JAK2: variants seen among roughly 807,000 people sequenced by gnomAD.
The protein encoded by JAK2 is Janus kinase 2.
JAK2 carries 86 observed loss-of-function variants against 139.3 expected under a neutral mutation model. That is an observed-to-expected ratio of 0.62 (90% CI 0.52 to 0.74). The LOEUF (loss-of-function observed/expected upper bound fraction) is 0.74. Among genes scored for constraint, JAK2 ranks in the 30% least tolerant of loss-of-function variants. The pLI, the probability that JAK2 is intolerant of heterozygous loss-of-function variation, is 0.00. For missense variants in JAK2, 1,421 were observed against 1,360.3 expected, an observed-to-expected ratio of 1.04 and a Z score of -0.70; for synonymous variants, 490 against 437.7, an observed-to-expected ratio of 1.12 and a Z score of -1.49.
At chr9:5,052,390 T>C (rs1423571868) in intron 6 of JAK2, among the ~76,000 whole-genome samples, 4 of 151,950 alleles carry the variant, frequency 2.6e-5, no homozygotes, top group African/African-American at 4.8e-5. Context: ...TAAACACAGA[T>C]GCAAAATGCT....
intron 22 of JAK2, among the ~76,000 whole-genome samples, chr9:5,105,969 A>G (rs1821920903): frequency 6.6e-6 from 1 of 152,244 alleles, no homozygotes; most frequent in Admixed American, 6.5e-5. Flanking sequence ...CCTAGAAGAA[A>G]GCCTAGGCAA....
At chr9:5,111,257 C>A in intron 22 of JAK2, 1 of 510,440 alleles carries the variant, frequency 2.0e-6, no homozygotes, top group East Asian at 4.7e-5. Context: ...GAGACGCAGG[C>A]GTGCGCAGCC....
chr9:5,006,292 G>T (rs971753305), intron 2 of JAK2, among the ~76,000 whole-genome samples: 4 of 152,122 alleles, frequency 2.6e-5, no homozygotes, highest in Admixed American at 6.5e-5. Context: ...TTGGCTCTCT[G>T]TGTGTTATTG....
At chr9:5,025,605 C>T (rs1822733562) in intron 3 of JAK2, among the ~76,000 whole-genome samples, 1 of 149,932 alleles carries the variant, frequency 6.7e-6, no homozygotes, top group African/African-American at 2.5e-5. Flanking sequence ...ATGATTATGG[C>T]ACACTGCCAC....
intron 2 of JAK2, among the ~76,000 whole-genome samples, chr9:5,015,858 T>C (rs1285752347): frequency 2.6e-5 from 4 of 152,144 alleles, no homozygotes; most frequent in Non-Finnish European, 5.9e-5. Context: ...TACCATCCTT[T>C]CTGTTCTAAA....
At chr9:5,126,156 A>C (rs1032043490) in intron 23 of JAK2, 177 bp from the exon 24 acceptor site, 1 of 497,538 alleles carries the variant, frequency 2.0e-6, no homozygotes, top group African/African-American at 2.0e-5. Context: ...AAATTATAGA[A>C]GTTCCATATT....
intron 23 of JAK2, among the ~76,000 whole-genome samples, chr9:5,123,887 T>C (rs533252114): frequency 6.6e-6 from 1 of 151,002 alleles, no homozygotes; most frequent in African/African-American, 2.4e-5. Flanking sequence ...TAATTTTTTC[T>C]CTTTTTTTTT....
chr9:5,032,634 A>C (rs1434975099), intron 4 of JAK2, among the ~76,000 whole-genome samples: 3 of 152,356 alleles, frequency 2.0e-5, no homozygotes, highest in East Asian at 3.9e-4. Flanking sequence ...CCAGGCAAAC[A>C]GGGTCTGGAG....
At chr9:5,006,681 T>C (rs1325109054) in intron 2 of JAK2, among the ~76,000 whole-genome samples, 1 of 152,048 alleles carries the variant, frequency 6.6e-6, no homozygotes, top group Non-Finnish European at 1.5e-5. Flanking sequence ...AATAACCAGA[T>C]CTCATGCAAA....
chr9:5,121,804 G>A (rs1823634768), intron 22 of JAK2, among the ~76,000 whole-genome samples: 2 of 152,058 alleles, frequency 1.3e-5, no homozygotes, highest in African/African-American at 4.8e-5. Context: ...CCTTACATAA[G>A]TGATAGAACA....
chr9:5,054,784 C>T lies in JAK2; in HGVS notation c.836C>T (p.Pro279Leu), dbSNP rs765196728. Residue 279 changes from proline (P) to leucine (L), a missense_variant, in exon 7 of 25, where the codon CCT (proline) becomes CTT (leucine). Physicochemically the swap from Pro to Leu is moderately conservative, Grantham distance 98 (BLOSUM62 -3). Transcript: ENST00000381652. The surrounding 1 kb of genome is among the most constrained non-coding windows in gnomAD (Gnocchi z 4.9). ...GAAGTAAAAGAACCTGGAAGTGGTC[C>T]TTCAGGTGAGGAGATTTTTGCAACC... ...KFEVKEPGSG[P>L]SGEEIFATII... is the part of the protein sequence containing the mutation. 8.7e-6 allele frequency: 14 copies of T among 1,612,676 alleles called. No individual in the cohort carries two copies. Among genetic ancestry groups the T allele is most frequent in the Non-Finnish European group, 1.7e-6 (2 of 1,178,950 alleles).
upstream of JAK2, chr9:4,984,681 CGGA>C (rs1313493411): frequency 6.6e-6 from 1 of 152,472 alleles, no homozygotes. Flanking sequence ...AAGCCGAAAG[CGGA>C]GAAGTGTGCG....
At chr9:5,060,334 G>T (rs1571437) in intron 8 of JAK2, among the ~76,000 whole-genome samples, 1,595 of 152,196 alleles carry the variant, frequency 0.01, 66 homozygotes, top group East Asian at 0.097. Context: ...TCTTCATTTC[G>T]TTAAAGTTGT....
chr9:4,998,473 T>G (rs1820726482), intron 2 of JAK2, among the ~76,000 whole-genome samples: 1 of 152,132 alleles, frequency 6.6e-6, no homozygotes, highest in African/African-American at 2.4e-5. Flanking sequence ...GTCAGGCTGG[T>G]CTCGAACTCC....
intron 4 of JAK2, among the ~76,000 whole-genome samples, chr9:5,040,167 G>C (rs796580170): frequency 1.3e-5 from 2 of 152,226 alleles, no homozygotes; most frequent in South Asian, 2.1e-4. Flanking sequence ...GATGGTGATT[G>C]ATTTTTGATC....
In JAK2 at chr9:5,061,774, A is replaced by G. The variant is rs570475571; in HGVS notation, c.1057-3109A>G. ...TCATAACTTGCCTTTTTAGTGCAAG[A>G]GGCCTAGCTTTCAGCGTGTGTTGGC... On this transcript the variant is annotated intron_variant, in intron 8 of 24. Transcript: ENST00000381652. Among the ~76,000 whole-genome samples, 5 of 152,348 alleles carry G rather than the reference A, an allele frequency of 3.3e-5. No homozygotes were observed. The South Asian group carries it at 1.0e-3, about 32-fold the overall frequency.
At chr9:5,106,310 T>C (rs1283424440) in intron 22 of JAK2, among the ~76,000 whole-genome samples, 1 of 152,228 alleles carries the variant, frequency 6.6e-6, no homozygotes, top group African/African-American at 2.4e-5. Flanking sequence ...TTATCATCAC[T>C]GGTCATCAGA....
At chr9:5,087,523 TTCTATCTTAAA>T (rs1010846497) in intron 19 of JAK2, among the ~76,000 whole-genome samples, 1 of 151,962 alleles carries the variant, frequency 6.6e-6, no homozygotes, top group Non-Finnish European at 1.5e-5. Context: ...CCTTCTGGTT[TTCTATCTTAAA>T]TCTTTCTTTT....
At chr9:5,023,511 A>C (rs942907497) in intron 3 of JAK2, among the ~76,000 whole-genome samples, 4 of 152,070 alleles carry the variant, frequency 2.6e-5, no homozygotes, top group Non-Finnish European at 4.4e-5. Flanking sequence ...GCAGCCCTCT[A>C]TGTGAATTTT....
Sources: gnomAD v4.1 joint callset for allele counts (sites outside exome capture counted in the v4.1 genomes callset) on GRCh38, gnomAD v4.1.1 for gene constraint, Gnocchi (gnomAD v3.1) non-coding constraint, MANE v1.5 for transcripts, NCBI Gene and HGNC (gene_info 2026-07-23, HGNC 2026-07-21) for gene names.